The following MTOR variants were observed in gnomAD, a reference collection of about 807,000 sequenced individuals.
MTOR encodes the protein mechanistic target of rapamycin kinase, also known as serine/threonine-protein kinase mTOR.
In MTOR, 70 loss-of-function variants were observed where a neutral mutation model predicts 319.8. The observed-to-expected ratio is 0.22, with a 90% CI of 0.18 to 0.27. MTOR has a LOEUF of 0.27. Among genes scored for constraint, MTOR ranks in the 10% least tolerant of loss-of-function variants. The pLI is 1.00. For synonymous variants in MTOR, 1,183 were observed against 1,211.4 expected (o/e 0.98, Z 0.49); for missense variants, 1,890 against 3,274.4 (o/e 0.58, Z 10.32).
At chr1:11,255,056 C>A (rs2100970777) in intron 5 of MTOR, among the ~76,000 whole-genome samples, 1 of 152,138 alleles carries the variant, frequency 6.6e-6, no homozygotes, top group South Asian at 2.1e-4. Flanking sequence ...GAGCATCCAG[C>A]TGAGATGTCT....
In MTOR at chr1:11,110,011, T is replaced by A. The variant is rs184377570; in HGVS notation, c.7367-282A>T. 0.037 allele frequency among the ~76,000 whole-genome samples: 4,755 copies of A among 129,664 alleles called. 109 individuals carry two copies. The highest frequency in any genetic ancestry group is 0.05 in the Non-Finnish European group (2,872 of 57,136). 85.1% of individuals were successfully genotyped at this position (129,664 alleles called of 152,430 possible). A position where few individuals can be genotyped will look rare whatever the true frequency, so the allele number is the denominator to read the frequency against. On this transcript the variant is annotated intron_variant, in intron 54 of 57. Transcript: ENST00000361445. ...CCATTTGCAAAAAAAAAAAAAAAAATTTTTAAATCTGTAAAGCCATTTTCA... is the reference window on the plus strand; with the variant it reads ...CCATTTGCAAAAAAAAAAAAAAAAAATTTTAAATCTGTAAAGCCATTTTCA...
rs1163014263 is a variant in MTOR, at chr1:11,212,799, C to T, written c.3395G>A (p.Arg1132Gln). ...GTCCCAAAGAGGAGGTGCTCACTTT[C>T]GAGATGGCAGTGGAGCTTCAGGGGC... The part of the protein sequence containing the change: ...FDAPEAPLPS[R>Q]KAALETVDRL... Residue 1132 changes from arginine to glutamine, a missense_variant, in exon 22 of 58, where the codon CGA becomes CAA. Arg to Gln is a conservative substitution (Grantham distance 43). Transcript: ENST00000361445. This position sits in a 1 kb window ranked among gnomAD's most constrained non-coding sequence, Gnocchi z 4.1. 5.0e-6 allele frequency: 8 copies of T among 1,612,064 alleles called. No homozygotes were observed. The highest frequency in any genetic ancestry group is 5.9e-6 in the Non-Finnish European group (7 of 1,178,332).
Position 11,128,812 on chromosome 1 carries a change from G to A in MTOR, c.5811+43C>T, listed in dbSNP as rs769424170. On this transcript the variant is annotated intron_variant, in intron 41 of 57. Coordinates refer to ENST00000361445, the MANE Select transcript of MTOR (RefSeq NM_004958.4). This position sits in a 1 kb window ranked among gnomAD's most constrained non-coding sequence, Gnocchi z 5.3. Reference sequence around the variant, plus strand: ...TGCTTGTAAGAGGAGACACACAGAAGAGAGACTTGGAGCCACCTTCACCTG... The same window carrying A: ...TGCTTGTAAGAGGAGACACACAGAAAAGAGACTTGGAGCCACCTTCACCTG... 5 of 1,503,004 alleles carry A rather than the reference G, an allele frequency of 3.3e-6. No individual in the cohort carries two copies. 93.1% of individuals were successfully genotyped at this position (1,503,004 alleles called of 1,614,324 possible). A position where few individuals can be genotyped will look rare whatever the true frequency, so the allele number is the denominator to read the frequency against.
At chr1:11,185,539 G>A (rs911418097) in intron 28 of MTOR, among the ~76,000 whole-genome samples, 96 of 152,194 alleles carry the variant, frequency 6.3e-4, no homozygotes, top group African/African-American at 1.4e-3. Flanking sequence ...CTGGGAGGTT[G>A]AGGCTGCAAT....
intron 28 of MTOR, among the ~76,000 whole-genome samples, chr1:11,187,813 G>C (rs1458240126): frequency 1.3e-5 from 2 of 152,214 alleles, no homozygotes; most frequent in Non-Finnish European, 2.9e-5. Flanking sequence ...TTTGCAAAAA[G>C]AGAGCAGACT....
intron 14 of MTOR, 103 bp downstream of exon 14, chr1:11,234,040 C>T (rs1364116205): frequency 1.3e-6 from 2 of 1,537,794 alleles, no homozygotes; most frequent in South Asian, 2.3e-5. Context: ...AAAGAAATCA[C>T]CTACTTTGTT....
Position 11,231,394 on chromosome 1 carries a change from C to T in MTOR, c.2555G>A (p.Gly852Asp), listed in dbSNP as rs2100868289. 6.2e-7 allele frequency: 1 copy of T among 1,614,146 alleles called. No homozygotes were observed. The highest frequency in any genetic ancestry group is 8.5e-7 in the Non-Finnish European group (1 of 1,180,010). ...WTLGQLVAST[G>D]YVVEPYRKYP... Reference sequence around the variant, plus strand: ...CTTCCTGTAGGGCTCTACTACATAGCCAGTGCTGGCCACCAACTGTCCCAG... The same window carrying T: ...CTTCCTGTAGGGCTCTACTACATAGTCAGTGCTGGCCACCAACTGTCCCAG... The change falls in exon 17 of 58, where the codon GGC (glycine) becomes GAC (aspartate). Residue 852 changes from glycine (G) to aspartate (D), a missense_variant. This residue lies in a region of MTOR where 377 missense variants were observed against 653.9 expected (regional missense o/e 0.58). Transcript: ENST00000361445.
At chr1:11,245,752 T>A (rs541729644) in intron 8 of MTOR, among the ~76,000 whole-genome samples, 1 of 152,140 alleles carries the variant, frequency 6.6e-6, no homozygotes, top group Admixed American at 6.6e-5. Context: ...AAAAAATAAA[T>A]TTAAAAAATT....
chr1:11,228,886 T>C lies in MTOR; in HGVS notation c.2812A>G (p.Met938Val), dbSNP rs1646930600. 6.2e-7 allele frequency: 1 copy of C among 1,614,054 alleles called. No individual in the cohort carries two copies. Among genetic ancestry groups the C allele is most frequent in the Non-Finnish European group, 8.5e-7 (1 of 1,180,028 alleles). Residue 938 changes from methionine (M) to valine (V), a missense_variant, in exon 19 of 58, where the codon ATG (methionine) becomes GTG (valine). Met to Val is a conservative substitution (Grantham distance 21). Around this residue, in one of 15 missense-constraint regions of MTOR, gnomAD observed 377 missense variants for 653.9 expected, o/e 0.58. Transcript: ENST00000361445. ...AACTCATCCAGAGGCAAGTTTCCCA[T>C]GTTGACCAGCATTTCACTAGTGCTA... ...DYSTSEMLVN[M>V]GNLPLDEFYP... is the part of the protein sequence containing the mutation.
rs1238960349 is a variant in MTOR at position 11,250,200 on chromosome 1, C to T, written c.841-2106G>A. On this transcript the variant is annotated intron_variant, in intron 6 of 57. Coordinates refer to ENST00000361445, the MANE Select transcript of MTOR (RefSeq NM_004958.4). The stretch of plus-strand genomic sequence containing the variant: ...CTGACCCCCCGACCTCCCTCCCGGA[C>T]GGGGCGGCTGGCCGGGCGGGGGGCT... Among the ~76,000 whole-genome samples, 37 of 123,506 alleles carry T rather than the reference C, an allele frequency of 3.0e-4. 1 individual carries two copies. Among genetic ancestry groups the T allele is most frequent in the African/African-American group, 7.0e-4 (26 of 37,384 alleles). The allele number at this position is 123,506 out of a possible 152,430, so 81.0% of individuals were successfully genotyped here. A position where few individuals can be genotyped will look rare whatever the true frequency, so the allele number is the denominator to read the frequency against.
intron 28 of MTOR, among the ~76,000 whole-genome samples, chr1:11,186,865 G>A (rs1328032616): frequency 1.3e-5 from 2 of 152,146 alleles, no homozygotes. Context: ...GGGGGGGTGA[G>A]TATTGACATT....
chr1:11,178,169 C>G (rs781592237), intron 28 of MTOR, among the ~76,000 whole-genome samples: 27 of 152,172 alleles, frequency 1.8e-4, no homozygotes, highest in Non-Finnish European at 2.9e-5. Flanking sequence ...AGTGAACTGT[C>G]CTGCAGAAGT....
chr1:11,197,510 C>CT (rs1186211012), intron 28 of MTOR, among the ~76,000 whole-genome samples: 3 of 152,196 alleles, frequency 2.0e-5, no homozygotes, highest in Non-Finnish European at 2.9e-5. Flanking sequence ...AGCACACTGG[C>CT]TTTCCCCAGT....
At chr1:11,185,008 C>T (rs966589410) in intron 28 of MTOR, among the ~76,000 whole-genome samples, 8 of 152,208 alleles carry the variant, frequency 5.3e-5, no homozygotes, top group African/African-American at 1.4e-4. Context: ...CACATAGCTG[C>T]ACCTTTGCTT....
chr1:11,189,951 C>T (rs532363963), intron 28 of MTOR: 18 of 1,606,542 alleles, frequency 1.1e-5, no homozygotes, highest in Middle Eastern at 1.7e-4. Context: ...CTCAGACCTC[C>T]GCAGGTAAGG....
intron 34 of MTOR, among the ~76,000 whole-genome samples, chr1:11,142,540 A>G (rs1643763218): frequency 6.7e-6 from 1 of 148,798 alleles, no homozygotes; most frequent in Admixed American, 6.7e-5. Context: ...CAAGCAATCC[A>G]CCTGCCTCAG....
At chr1:11,208,551 A>C (rs965831776) in intron 25 of MTOR, among the ~76,000 whole-genome samples, 1 of 152,250 alleles carries the variant, frequency 6.6e-6, no homozygotes, top group Non-Finnish European at 1.5e-5. Context: ...ATAACACTGA[A>C]ATCTAAACTG....
intron 19 of MTOR, among the ~76,000 whole-genome samples, chr1:11,226,572 C>T (rs988318446): frequency 6.6e-6 from 1 of 152,060 alleles, no homozygotes; most frequent in Non-Finnish European, 1.5e-5. Context: ...GGGCAGATAG[C>T]TTGAGCCCAG....
intron 6 of MTOR, among the ~76,000 whole-genome samples, chr1:11,248,640 C>T (rs1303770567): frequency 1.3e-5 from 2 of 151,786 alleles, no homozygotes; most frequent in Non-Finnish European, 2.9e-5. Context: ...GGTGAAACCC[C>T]GTCCCTATTA....
Sources: allele counts gnomAD v4.1 joint callset (sites outside exome capture counted in the v4.1 genomes callset), GRCh38; gene constraint gnomAD v4.1.1; regional missense constraint gnomAD v4.1.1; non-coding constraint Gnocchi (gnomAD v3.1); transcripts MANE v1.5; gene names NCBI Gene and HGNC (gene_info 2026-07-23, HGNC 2026-07-21).